The following CASR variants were observed in gnomAD, a reference collection of about 807,000 sequenced individuals.
The protein encoded by CASR is extracellular calcium-sensing receptor.
CASR carries 23 observed loss-of-function variants against 69.1 expected under a neutral mutation model. The ratio of observed to expected loss-of-function variants is 0.33; its 90% CI spans 0.24 to 0.47. The LOEUF is 0.47. CASR is among the 20% of genes least tolerant of loss of function. The pLI, the probability that CASR is intolerant of heterozygous loss-of-function variation, is 1.00. For synonymous variants in CASR, 541 were observed against 544.7 expected (o/e 0.99, Z 0.10); for missense variants, 924 against 1,356.1 (o/e 0.68, Z 5.00).
At chr3:122,249,220 TC>T (rs1382961091) in intron 1 of CASR, among the ~76,000 whole-genome samples, 1 of 152,238 alleles carries the variant, frequency 6.6e-6, no homozygotes, top group African/African-American at 2.4e-5. Flanking sequence ...AAGTTTCTGG[TC>T]CCCACCTTGA....
chr3:122,278,141 A>G lies in CASR; in HGVS notation c.1608+2099A>G, dbSNP rs1036274492. On this transcript the variant is annotated intron_variant, in intron 5 of 6. Transcript: ENST00000639785. The stretch of plus-strand genomic sequence containing the variant: ...AAAGTTGTTATTGAGATCAAATGAG[A>G]TCAAGGATGAAAAGCGTATGATAAA... Among the ~76,000 whole-genome samples, 5 of 152,328 alleles carry G rather than the reference A, an allele frequency of 3.3e-5. No homozygotes were observed. The East Asian group carries it at 9.6e-4, about 29-fold the overall frequency.
rs1196241183 is a variant in CASR at position 122,283,986 on chromosome 3, C to T, written c.2032C>T (p.Arg678Cys). 12 of 1,613,582 alleles carry T rather than the reference C, an allele frequency of 7.4e-6. No individual in the cohort carries two copies. The highest frequency in any genetic ancestry group is 2.7e-5 in the African/African-American group (2 of 74,898). Residue 678 changes from arginine (R) to cysteine (C), a missense_variant, in exon 7 of 7, where the codon CGC becomes TGC. This residue lies in a region of CASR where 184 missense variants were observed against 278.8 expected (regional missense o/e 0.66). Transcript: ENST00000639785. ...CGGGGAGCCCCAGGACTGGACGTGCCGCCTGCGCCAGCCGGCCTTTGGCAT... is the reference window on the plus strand; with the variant it reads ...CGGGGAGCCCCAGGACTGGACGTGCTGCCTGCGCCAGCCGGCCTTTGGCAT... ...FIGEPQDWTC[R>C]LRQPAFGISF...
chr3:122,260,801 A>C (rs1263785734), intron 3 of CASR, among the ~76,000 whole-genome samples: 3 of 152,132 alleles, frequency 2.0e-5, no homozygotes, highest in African/African-American at 7.2e-5. Context: ...TGTTATTGTG[A>C]TACAGGGGGA....
chr3:122,195,941 C>T (rs2073885085), intron 1 of CASR, among the ~76,000 whole-genome samples: 1 of 152,126 alleles, frequency 6.6e-6, no homozygotes, highest in Admixed American at 6.5e-5. Context: ...TTAAAATATT[C>T]TTATCCTTTA....
intron 1 of CASR, among the ~76,000 whole-genome samples, chr3:122,226,556 C>T (rs2074225160): frequency 6.6e-6 from 1 of 152,190 alleles, no homozygotes; most frequent in Admixed American, 6.5e-5. Context: ...TCTGGCCCCA[C>T]CCACATCCTG....
chr3:122,254,122 G>T lies in CASR; in HGVS notation c.-68G>T. On this transcript the variant is annotated 5_prime_UTR_variant, in exon 2 of 7. Transcript: ENST00000639785. ...ACTGCAGGGAGTGAACTGCTCCAAG[G>T]GAGAAACTTCTGGGAGCCTCCAAAC... is the stretch of plus-strand genomic sequence containing the variant. 1 of 1,479,530 alleles carries T rather than the reference G, an allele frequency of 6.8e-7. No individual in the cohort carries two copies. 91.7% of individuals were successfully genotyped at this position (1,479,530 alleles called of 1,614,324 possible).
In CASR at chr3:122,256,603, C is replaced by G. The variant is rs530465244; in HGVS notation, c.186-478C>G. ...AGTCACCCTATGAGGCAAGTGTCAT[C>G]CTCCTTTTATTTTTATTTATTCATT... On this transcript the variant is annotated intron_variant, in intron 2 of 6. Coordinates refer to ENST00000639785, the MANE Select transcript of CASR (RefSeq NM_000388.4). Among the ~76,000 whole-genome samples, 79 of 152,168 alleles carry G rather than the reference C, an allele frequency of 5.2e-4. 1 individual carries two copies. The South Asian group carries it at 0.016, about 30-fold the overall frequency.
chr3:122,223,386 A>T (rs1000645892), intron 1 of CASR, among the ~76,000 whole-genome samples: 2 of 152,176 alleles, frequency 1.3e-5, no homozygotes, highest in Non-Finnish European at 2.9e-5. Context: ...AACCGCACAG[A>T]CATACAAAAA....
intron 1 of CASR, among the ~76,000 whole-genome samples, chr3:122,214,862 A>G (rs2074101572): frequency 6.8e-6 from 1 of 146,502 alleles, no homozygotes; most frequent in African/African-American, 2.5e-5. Flanking sequence ...TTGACTGGAC[A>G]AAGGGTCACA....
chr3:122,264,634 A>G (rs1426144256), intron 4 of CASR, among the ~76,000 whole-genome samples: 4 of 152,168 alleles, frequency 2.6e-5, no homozygotes, highest in African/African-American at 9.7e-5. Flanking sequence ...TCTCCCCAGG[A>G]GACAGCACAG....
At position 122,288,175 on chromosome 3, in the gene CASR, G is replaced by A. The variant is rs970010251; in HGVS notation, c.*2984G>A. ...GTGGACGAAGCAGAAGAGTCAGTGT[G>A]AGAGCAATACAGTATGAGAAAAACA... On this transcript the variant is annotated 3_prime_UTR_variant, in exon 7 of 7. Coordinates refer to ENST00000639785, the MANE Select transcript of CASR (RefSeq NM_000388.4). 3.9e-5 allele frequency: 6 copies of A among 152,236 alleles called. No individual in the cohort carries two copies. Among genetic ancestry groups the A allele is most frequent in the Non-Finnish European group, 8.8e-5 (6 of 68,062 alleles). The allele number at this position is 152,236 out of a possible 1,614,324, so 9.4% of individuals were successfully genotyped here.
chr3:122,241,091 G>T (rs1352715315), intron 1 of CASR, among the ~76,000 whole-genome samples: 1 of 151,770 alleles, frequency 6.6e-6, no homozygotes, highest in African/African-American at 2.4e-5. Context: ...AGAAAAACTT[G>T]CAATAAATAA....
chr3:122,228,344 T>A (rs2074246067), intron 1 of CASR, among the ~76,000 whole-genome samples: 1 of 152,204 alleles, frequency 6.6e-6, no homozygotes, highest in Non-Finnish European at 1.5e-5. Context: ...CAGCATATAA[T>A]GAGCATTTTC....
chr3:122,206,905 C>A (rs532578741), intron 1 of CASR, among the ~76,000 whole-genome samples: 1 of 151,908 alleles, frequency 6.6e-6, no homozygotes, highest in Admixed American at 6.6e-5. Context: ...ATTCTTCAGT[C>A]TCAATTGTTG....
At chr3:122,196,348 A>G (rs1037501382) in intron 1 of CASR, among the ~76,000 whole-genome samples, 5 of 152,218 alleles carry the variant, frequency 3.3e-5, no homozygotes, top group Admixed American at 1.3e-4. Context: ...GAGAAATGAT[A>G]TCAAACTAGG....
intron 4 of CASR, among the ~76,000 whole-genome samples, chr3:122,264,109 G>GAAAAAAAAAAAAA (rs35559285): frequency 6.9e-6 from 1 of 145,682 alleles, no homozygotes; most frequent in Non-Finnish European, 1.5e-5. Flanking sequence ...GGACCTGTGA[G>GAAAAAAAAAAAAA]AAAAAAAAAA....
intron 3 of CASR, among the ~76,000 whole-genome samples, chr3:122,259,821 G>T (rs2074599997): frequency 6.6e-6 from 1 of 151,890 alleles, no homozygotes; most frequent in Non-Finnish European, 1.5e-5. Flanking sequence ...AGTCGAGACG[G>T]GGTTTCACCG....
chr3:122,184,513 C>T, intron 1 of CASR: 1 of 155,314 alleles, frequency 6.4e-6, no homozygotes, highest in Non-Finnish European at 1.4e-5. Flanking sequence ...TGCGAGGGAG[C>T]CCTGGCCGCG....
intron 1 of CASR, among the ~76,000 whole-genome samples, chr3:122,196,263 T>C (rs2073887796): frequency 6.6e-6 from 1 of 152,142 alleles, no homozygotes. Flanking sequence ...CAACATATGG[T>C]ATGGTAAATA....
Sources: gnomAD v4.1 joint callset for allele counts (sites outside exome capture counted in the v4.1 genomes callset) on GRCh38, gnomAD v4.1.1 for gene constraint, gnomAD v4.1.1 regional missense constraint, MANE v1.5 for transcripts, NCBI Gene and HGNC (gene_info 2026-07-23, HGNC 2026-07-21) for gene names.